TBC1D9: variants seen among roughly 807,000 people sequenced by gnomAD.
The protein encoded by TBC1D9 is TBC1 domain family member 9A.
In TBC1D9, 63 loss-of-function variants were observed where a neutral mutation model predicts 132.0. The ratio of observed to expected loss-of-function variants is 0.48; its 90% CI spans 0.39 to 0.59. The LOEUF (loss-of-function observed/expected upper bound fraction) is 0.59, where lower values mean the gene tolerates loss of function less well. TBC1D9 is among the 20% of genes least tolerant of loss of function. The probability of loss-of-function intolerance (pLI) is 0.00; values close to 1 mark genes in which losing one functional copy is unlikely to be tolerated. For missense variants in TBC1D9, 1,261 were observed against 1,592.7 expected (o/e 0.79, Z 3.54); for synonymous variants, 610 against 609.9 (o/e 1.00, Z 0.00).
chr4:140,733,687 G>A lies in TBC1D9; in HGVS notation c.130+22229C>T, dbSNP rs1450910043. ...AGTGTCCTTGAATGAAGTCTTCACA[G>A]GGTATATGGAATCTAAAGGTTCATG... On this transcript the variant is annotated intron_variant, in intron 1 of 20. Coordinates refer to ENST00000442267, the MANE Select transcript of TBC1D9 (RefSeq NM_015130.3). Among the ~76,000 whole-genome samples the A allele has an allele frequency of 2.6e-5, 4 of 152,250 alleles. No homozygotes were observed. In the East Asian group the frequency reaches 5.8e-4, roughly 22 times the overall value.
chr4:140,670,210 G>C (rs1225866290), intron 7 of TBC1D9, among the ~76,000 whole-genome samples: 1 of 152,180 alleles, frequency 6.6e-6, no homozygotes, highest in Non-Finnish European at 1.5e-5. Flanking sequence ...AGACAGAGAT[G>C]TTATGTGTGA....
At chr4:140,691,128 G>A (rs1163254708) in intron 2 of TBC1D9, among the ~76,000 whole-genome samples, 3 of 152,142 alleles carry the variant, frequency 2.0e-5, no homozygotes, top group Non-Finnish European at 2.9e-5. Context: ...TGAAAAGTAC[G>A]AGCCAGGACT....
chr4:140,747,389 C>G (rs755108177), intron 1 of TBC1D9, among the ~76,000 whole-genome samples: 4 of 151,910 alleles, frequency 2.6e-5, no homozygotes, highest in Non-Finnish European at 5.9e-5. Flanking sequence ...CAAATAGGCT[C>G]ACACTTATTA....
chr4:140,676,777 A>G, intron 6 of TBC1D9, 117 bp downstream of exon 6: 1 of 1,359,636 alleles, frequency 7.4e-7, no homozygotes. Flanking sequence ...GCCACCAAAG[A>G]CGCATGAACA....
In TBC1D9 at chr4:140,622,866, G is replaced by C. The variant is rs1736643126; in HGVS notation, c.3130C>G (p.Pro1044Ala). The stretch of plus-strand genomic sequence containing the variant: ...GCGTGGTACAGCTCCTGCTCATTGG[G>C]GTCTTCGCTGAACATGTTATACATT... ...KTMYNMFSED[P>A]NEQELYHATA... Residue 1044 changes from proline to alanine, a missense_variant, in exon 21 of 21, where the codon CCC becomes GCC. Physicochemically the swap from Pro to Ala is conservative, Grantham distance 27 (BLOSUM62 -1). Coordinates refer to ENST00000442267, the MANE Select transcript of TBC1D9 (RefSeq NM_015130.3). The C allele has an allele frequency of 1.3e-6, 2 of 1,587,498 alleles. No individual in the cohort carries two copies. Among genetic ancestry groups the C allele is most frequent in the Non-Finnish European group, 1.7e-6 (2 of 1,169,444 alleles).
At position 140,649,630 on chromosome 4, in the gene TBC1D9, C is replaced by T. The variant is rs77435047; in HGVS notation, c.2337+7467G>A. ...CACACAGGGAGCTTCGAAGGAGCAGCCCCACACACTCCCCCTTGACTTCTA... is the reference window on the plus strand; with the variant it reads ...CACACAGGGAGCTTCGAAGGAGCAGTCCCACACACTCCCCCTTGACTTCTA... On this transcript the variant is annotated intron_variant, in intron 13 of 20. Transcript: ENST00000442267. 2.2e-3 allele frequency among the ~76,000 whole-genome samples: 330 copies of T among 152,310 alleles called. 6 individuals carry two copies. Among genetic ancestry groups the T allele is most frequent in the African/African-American group, 7.5e-3 (311 of 41,556 alleles).
intron 2 of TBC1D9, among the ~76,000 whole-genome samples, chr4:140,689,266 G>C (rs1025246924): frequency 9.2e-5 from 14 of 151,968 alleles, no homozygotes; most frequent in Non-Finnish European, 1.2e-4. Flanking sequence ...TATCACACCA[G>C]GTACTTTACT....
chr4:140,725,681 G>C (rs1227824845), intron 1 of TBC1D9, among the ~76,000 whole-genome samples: 1 of 152,060 alleles, frequency 6.6e-6, no homozygotes, highest in Admixed American at 6.6e-5. Flanking sequence ...TCTCATCTTT[G>C]GCCTCTTGAG....
chr4:140,636,238 G>T (rs1161345330), intron 15 of TBC1D9, among the ~76,000 whole-genome samples: 1 of 152,118 alleles, frequency 6.6e-6, no homozygotes, highest in Admixed American at 6.5e-5. Flanking sequence ...AGGGCAAAGG[G>T]CCCCTGAACC....
intron 15 of TBC1D9, 140 bp from the exon 16 acceptor site, chr4:140,634,328 T>C: frequency 1.7e-6 from 2 of 1,195,782 alleles, no homozygotes; most frequent in Non-Finnish European, 1.2e-6. Flanking sequence ...CAGGGCCCCC[T>C]TGGTCTCTTA....
At chr4:140,688,424 C>T (rs918014529) in intron 2 of TBC1D9, among the ~76,000 whole-genome samples, 21 of 152,226 alleles carry the variant, frequency 1.4e-4, no homozygotes, top group Non-Finnish European at 2.5e-4. Flanking sequence ...CCAGTGCTTT[C>T]GGAGGCAGAG....
chr4:140,688,596 G>C (rs530880432), intron 2 of TBC1D9, among the ~76,000 whole-genome samples: 1 of 152,210 alleles, frequency 6.6e-6, no homozygotes, highest in East Asian at 1.9e-4. Context: ...TCGAACCCAA[G>C]AGTTTGAGGC....
chr4:140,687,377 T>TC (rs1193443643), intron 2 of TBC1D9, among the ~76,000 whole-genome samples: 1 of 69,946 alleles, frequency 1.4e-5, no homozygotes, highest in East Asian at 3.9e-4. Context: ...TATATATATA[T>TC]ATATATATAT....
chr4:140,705,514 G>GTGTGCA (rs2111043149), intron 1 of TBC1D9, among the ~76,000 whole-genome samples: 1 of 40,160 alleles, frequency 2.5e-5, no homozygotes, highest in South Asian at 6.5e-4. Context: ...GTGTGTGCAT[G>GTGTGCA]TGTGTGTGTG....
chr4:140,743,422 AG>A (rs1738790101), intron 1 of TBC1D9, among the ~76,000 whole-genome samples: 1 of 152,224 alleles, frequency 6.6e-6, no homozygotes, highest in Admixed American at 6.5e-5. Context: ...ATTTTAAATA[AG>A]GGAATTAAGC....
rs576863590 is a variant in TBC1D9, at chr4:140,712,980, TAC to T, written c.131-11368_131-11367del. 1.3e-3 allele frequency among the ~76,000 whole-genome samples: 201 copies of T among 152,300 alleles called. 1 individual carries two copies. The highest frequency in any genetic ancestry group is 4.7e-3 in the African/African-American group (194 of 41,568). On this transcript the variant is annotated intron_variant, in intron 1 of 20. Transcript: ENST00000442267. ...AATTATCACCAGACCAACTCAAAAT[TAC>T]AGTTTTCCAGAGCTTATATACCTTC... is the stretch of plus-strand genomic sequence containing the variant.
rs1739005320 is a variant in TBC1D9, at chr4:140,755,907, G to A, written c.130+9C>T. On this transcript the variant is annotated intron_variant, in intron 1 of 20. Transcript: ENST00000442267. ...CTCCCCTCCTGCAGGGATCGGCCAC[G>A]GTCCTTACCCGCCAGTCCGCCGCCG... 2 of 1,545,050 alleles carry A rather than the reference G, an allele frequency of 1.3e-6. No homozygotes were observed. Among genetic ancestry groups the A allele is most frequent in the Non-Finnish European group, 1.7e-6 (2 of 1,148,736 alleles).
intron 1 of TBC1D9, among the ~76,000 whole-genome samples, chr4:140,737,649 T>C (rs1006445323): frequency 6.6e-6 from 1 of 152,198 alleles, no homozygotes; most frequent in Non-Finnish European, 1.5e-5. Context: ...GTTTAAACAA[T>C]ACAAAGTGAA....
chr4:140,702,390 G>A (rs1738086395), intron 1 of TBC1D9, among the ~76,000 whole-genome samples: 1 of 152,212 alleles, frequency 6.6e-6, no homozygotes, highest in Non-Finnish European at 1.5e-5. Flanking sequence ...AGAACAGGCT[G>A]TACCTTCTCT....
Sources: gnomAD v4.1 joint callset for allele counts (sites outside exome capture counted in the v4.1 genomes callset) on GRCh38, gnomAD v4.1.1 for gene constraint, MANE v1.5 for transcripts, NCBI Gene and HGNC (gene_info 2026-07-23, HGNC 2026-07-21) for gene names.